NECAP2: variants seen among roughly 807,000 people sequenced by gnomAD.
NECAP2 encodes NECAP endocytosis associated 2.
Under a neutral mutation model 37.8 loss-of-function variants are expected in NECAP2, and 38 were observed. The ratio of observed to expected loss-of-function variants is 1.01; its 90% CI spans 0.78 to 1.32. NECAP2 has a LOEUF of 1.32. NECAP2 is among the 40% of genes most tolerant of loss of function. The pLI is 0.00. For missense variants in NECAP2, 316 were observed against 334.5 expected (o/e 0.94, Z 0.43); for synonymous variants, 121 against 127.7 (o/e 0.95, Z 0.35).
At chr1:16,441,604 C>G (rs1216808538) in intron 1 of NECAP2, 1 of 152,150 alleles carries the variant, frequency 6.6e-6, no homozygotes, top group African/African-American at 2.4e-5. Context: ...AAAAAAGATA[C>G]ACTTCATACA....
At chr1:16,454,294 G>A (rs1016613866) in intron 6 of NECAP2, among the ~76,000 whole-genome samples, 7 of 151,310 alleles carry the variant, frequency 4.6e-5, no homozygotes. Flanking sequence ...CCTGACCTCA[G>A]GTGATCCTCC....
intron 1 of NECAP2, among the ~76,000 whole-genome samples, chr1:16,442,752 T>C (rs2086706983): frequency 6.6e-6 from 1 of 152,092 alleles, no homozygotes; most frequent in South Asian, 2.1e-4. Context: ...ACATAGACCC[T>C]ATCTCTATAA....
intron 6 of NECAP2, among the ~76,000 whole-genome samples, chr1:16,453,291 TAG>T (rs1166869513): frequency 1.3e-4 from 19 of 151,580 alleles, no homozygotes; most frequent in Admixed American, 8.5e-4. Flanking sequence ...GTAATTTTAG[TAG>T]AGACAGGGTT....
intron 2 of NECAP2, among the ~76,000 whole-genome samples, chr1:16,447,414 G>T (rs1466431011): frequency 6.6e-6 from 1 of 152,074 alleles, no homozygotes; most frequent in Non-Finnish European, 1.5e-5. Context: ...TTTCCTCGGG[G>T]CTCACTGGCC....
At position 16,451,919 on chromosome 1, in the gene NECAP2, C is replaced by G; in HGVS notation, c.571C>G (p.Pro191Ala). Residue 191 changes from proline to alanine, a missense_variant, in exon 6 of 8, where the codon CCC (proline) becomes GCC (alanine). Coordinates refer to ENST00000337132, the MANE Select transcript of NECAP2 (RefSeq NM_018090.5). ...STGGLSLLPP[P>A]PGGKTSTLIP... ...AGGAGGGCTGAGCCTGCTTCCCCCT[C>G]CCCCAGGGGGGAAAACCTCCACCCT... 6.2e-7 allele frequency: 1 copy of G among 1,613,824 alleles called. No individual in the cohort carries two copies. The highest frequency in any genetic ancestry group is 8.5e-7 in the Non-Finnish European group (1 of 1,179,746).
At chr1:16,443,853 C>T (rs779234904) in intron 2 of NECAP2, 121 bp downstream of exon 2, 48 of 723,776 alleles carry the variant, frequency 6.6e-5, no homozygotes, top group African/African-American at 1.4e-4. Flanking sequence ...AAATCAGAGA[C>T]GTGTGTGTAC....
chr1:16,448,059 G>T lies in NECAP2; in HGVS notation c.299-1G>T. ...TGGGTTGATCATGTGTTGTTCCCCA[G>T]GGCGACGGGCGTTTATTGGAATTGG... On this transcript the variant is annotated splice_acceptor_variant, in intron 3 of 7. Transcript: ENST00000337132. LOFTEE classifies it high-confidence loss of function. 1 of 1,614,196 alleles carries T rather than the reference G, an allele frequency of 6.2e-7. No individual in the cohort carries two copies. The highest frequency in any genetic ancestry group is 2.2e-5 in the East Asian group (1 of 44,888).
chr1:16,445,438 T>C (rs1407895967), intron 2 of NECAP2, among the ~76,000 whole-genome samples: 1 of 152,196 alleles, frequency 6.6e-6, no homozygotes, highest in African/African-American at 2.4e-5. Flanking sequence ...AAATTATCTC[T>C]AGACATTGCC....
chr1:16,455,994 G>T, intron 7 of NECAP2, 101 bp downstream of exon 7: 2 of 752,810 alleles, frequency 2.7e-6, no homozygotes, highest in Non-Finnish European at 4.5e-6. Flanking sequence ...AGGATTAGGA[G>T]TAACAGTTTT....
chr1:16,441,080 G>T, intron 1 of NECAP2: 1 of 562,222 alleles, frequency 1.8e-6, no homozygotes, highest in Admixed American at 3.0e-5. Context: ...CGTTAAAGCC[G>T]TATCTAGCGC....
chr1:16,449,878 C>T (rs574182598), intron 5 of NECAP2: 121 of 232,546 alleles, frequency 5.2e-4, no homozygotes, highest in African/African-American at 2.8e-3. Context: ...CTGGGCTGGG[C>T]TGGGCTGGGT....
chr1:16,451,973 G>C lies in NECAP2; in HGVS notation c.625G>C (p.Val209Leu), dbSNP rs763552391. The C allele has an allele frequency of 6.2e-7, 1 of 1,608,726 alleles. No homozygotes were observed. Among genetic ancestry groups the C allele is most frequent in the Non-Finnish European group, 8.5e-7 (1 of 1,177,216 alleles). The change falls in exon 6 of 8, where the codon GTG becomes CTG. Residue 209 changes from valine to leucine, a missense_variant. By Grantham distance (32) the Val-to-Leu change is conservative. Transcript: ENST00000337132. The part of the protein sequence containing the change: ...LIPPPGEQLA[V>L]GGSLVQPAVA... ...CCCTCCCCCTGGGGAGCAGTTGGCT[G>C]TGGGGGGATCCCTCGTCCAGCCAGC...
intron 2 of NECAP2, among the ~76,000 whole-genome samples, chr1:16,444,979 C>T (rs698864): frequency 0.29 from 44,497 of 151,956 alleles, 6,899 homozygotes; most frequent in East Asian, 0.63. Context: ...CCCCCCACCA[C>T]GCCCAGCTAA....
rs746601075 is a variant in NECAP2 at position 16,458,966 on chromosome 1, C to G, written c.*76C>G. On this transcript the variant is annotated 3_prime_UTR_variant, in exon 8 of 8. Transcript: ENST00000337132. ...TGGGCCAAAGGAAGGAGGACGAAGC[C>G]CTCCTCAGCTGGCCTGTGTTTGGGG... The G allele has an allele frequency of 1.2e-6, 2 of 1,612,560 alleles. No individual in the cohort carries two copies. The highest frequency in any genetic ancestry group is 2.2e-5 in the South Asian group (2 of 90,894).
intron 2 of NECAP2, among the ~76,000 whole-genome samples, chr1:16,444,143 C>T (rs1484112580): frequency 6.6e-6 from 1 of 152,168 alleles, no homozygotes; most frequent in African/African-American, 2.4e-5. Flanking sequence ...GCTGACCACA[C>T]CCATTAACCG....
intron 6 of NECAP2, chr1:16,455,537 G>T: frequency 2.3e-6 from 1 of 431,516 alleles, no homozygotes; most frequent in Non-Finnish European, 4.2e-6. Flanking sequence ...TAGATGACGT[G>T]AGACTAACCA....
intron 6 of NECAP2, among the ~76,000 whole-genome samples, chr1:16,454,732 TTAAAA>T (rs2100968109): frequency 6.6e-6 from 1 of 152,346 alleles, no homozygotes; most frequent in East Asian, 1.9e-4. Flanking sequence ...GTAATGATAC[TTAAAA>T]TATAAGTTTC....
chr1:16,446,818 G>C (rs1304500327), intron 2 of NECAP2, among the ~76,000 whole-genome samples: 3 of 152,142 alleles, frequency 2.0e-5, no homozygotes, highest in Non-Finnish European at 4.4e-5. Context: ...CCAGCACTTT[G>C]GGAGGCTGAG....
chr1:16,445,787 C>G (rs1187913295), intron 2 of NECAP2, among the ~76,000 whole-genome samples: 1 of 152,052 alleles, frequency 6.6e-6, no homozygotes, highest in Admixed American at 6.6e-5. Context: ...ACCTGTGATC[C>G]CAGCTACTTG....
Sources: allele counts gnomAD v4.1 joint callset (sites outside exome capture counted in the v4.1 genomes callset), GRCh38; gene constraint gnomAD v4.1.1; transcripts MANE v1.5; gene names NCBI Gene and HGNC (gene_info 2026-07-23, HGNC 2026-07-21).